GRIN2B: variants seen among roughly 807,000 people sequenced by gnomAD.
GRIN2B encodes glutamate ionotropic receptor NMDA type subunit 2B, also known as glutamate receptor ionotropic, NMDA 2B.
GRIN2B carries 5 observed loss-of-function variants against 114.5 expected under a neutral mutation model. The observed-to-expected ratio is 0.04, with a 90% confidence interval of 0.02 to 0.09. The LOEUF (loss-of-function observed/expected upper bound fraction) is 0.09. Ranked by LOEUF, GRIN2B falls within the 10% of genes least tolerant of loss-of-function variation. The pLI is 1.00. For missense variants in GRIN2B, 1,108 were observed against 1,943.5 expected (o/e 0.57, Z 8.08); for synonymous variants, 787 against 745.1 (o/e 1.06, Z -0.92).
At chr12:13,824,323 AT>A (rs1325027086) in intron 3 of GRIN2B, among the ~76,000 whole-genome samples, 1 of 152,230 alleles carries the variant, frequency 6.6e-6, no homozygotes, top group South Asian at 2.1e-4. Context: ...ATGACTTATT[AT>A]TTTTTTCTTC....
At chr12:13,726,663 A>T (rs1862994736) in intron 4 of GRIN2B, among the ~76,000 whole-genome samples, 2 of 148,268 alleles carry the variant, frequency 1.3e-5, no homozygotes, top group South Asian at 4.2e-4. Context: ...GTATTTTTTT[A>T]AATTTACTTT....
chr12:13,764,520 T>C (rs1374682045), intron 3 of GRIN2B, among the ~76,000 whole-genome samples: 1 of 152,206 alleles, frequency 6.6e-6, no homozygotes, highest in Non-Finnish European at 1.5e-5. Flanking sequence ...ATGCTGTTGC[T>C]ATCTCAACTT....
At chr12:13,860,260 T>C (rs1443191490) in intron 3 of GRIN2B, among the ~76,000 whole-genome samples, 2 of 152,196 alleles carry the variant, frequency 1.3e-5, no homozygotes, top group African/African-American at 4.8e-5. Flanking sequence ...GATTCCAAAA[T>C]GTGGCTCTCA....
At chr12:13,834,751 G>A (rs909887262) in intron 3 of GRIN2B, among the ~76,000 whole-genome samples, 16 of 152,154 alleles carry the variant, frequency 1.1e-4, no homozygotes, top group African/African-American at 3.9e-4. Context: ...CCAAACATTT[G>A]GAAGCCATGA....
At chr12:13,710,910 T>G (rs565588931) in intron 4 of GRIN2B, among the ~76,000 whole-genome samples, 22,586 of 151,504 alleles carry the variant, frequency 0.15, 2,472 homozygotes, top group African/African-American at 0.31. Flanking sequence ...AAAAGAGCCC[T>G]CATTGCCAAG....
At chr12:13,764,183 CAAAAAA>C (rs111977459) in intron 3 of GRIN2B, among the ~76,000 whole-genome samples, 1 of 106,460 alleles carries the variant, frequency 9.4e-6, no homozygotes, top group South Asian at 3.2e-4. Context: ...ATATCCATAC[CAAAAAA>C]AAAAAAAAAA....
At chr12:13,915,278 C>T (rs950390640) in intron 2 of GRIN2B, among the ~76,000 whole-genome samples, 2 of 152,162 alleles carry the variant, frequency 1.3e-5, no homozygotes, top group Admixed American at 6.5e-5. Context: ...TCCTGGCATA[C>T]GTTAGTCACA....
chr12:13,646,360 C>T (rs1490423173), intron 5 of GRIN2B, among the ~76,000 whole-genome samples: 1 of 152,114 alleles, frequency 6.6e-6, no homozygotes, highest in East Asian at 1.9e-4. Flanking sequence ...AATAAAGGCA[C>T]TGACATTCCT....
At chr12:13,894,485 C>T (rs12299003) in intron 2 of GRIN2B, among the ~76,000 whole-genome samples, 42,794 of 151,914 alleles carry the variant, frequency 0.28, 6,447 homozygotes, top group Non-Finnish European at 0.33. Context: ...CACCAAAAAA[C>T]GGTGTGATTT....
intron 3 of GRIN2B, among the ~76,000 whole-genome samples, chr12:13,846,618 C>A (rs1194219120): frequency 3.3e-5 from 5 of 152,190 alleles, no homozygotes; most frequent in African/African-American, 1.2e-4. Context: ...GCAATTAAAT[C>A]ATTTCTGTAA....
chr12:13,898,641 G>A (rs767410538), intron 2 of GRIN2B, among the ~76,000 whole-genome samples: 1 of 152,238 alleles, frequency 6.6e-6, no homozygotes, highest in Admixed American at 6.5e-5. Flanking sequence ...GCTGGGCACG[G>A]TGGCTCATGC....
intron 5 of GRIN2B, among the ~76,000 whole-genome samples, chr12:13,624,154 G>C (rs566253220): frequency 1.1e-4 from 17 of 152,164 alleles, no homozygotes; most frequent in Admixed American, 2.6e-4. Flanking sequence ...ATATTAAAAT[G>C]TTAGCTGTAT....
intron 2 of GRIN2B, among the ~76,000 whole-genome samples, chr12:13,903,296 C>T (rs185683856): frequency 9.9e-5 from 15 of 152,146 alleles, no homozygotes; most frequent in Admixed American, 9.2e-4. Context: ...TATTCTCCTC[C>T]TAACTTCATG....
intron 3 of GRIN2B, among the ~76,000 whole-genome samples, chr12:13,814,732 T>C (rs1004486567): frequency 3.9e-5 from 6 of 152,238 alleles, no homozygotes; most frequent in Non-Finnish European, 7.3e-5. Context: ...CATGTGACTA[T>C]GGAGCATTTG....
intron 2 of GRIN2B, among the ~76,000 whole-genome samples, chr12:13,957,724 C>T (rs1279159252): frequency 6.6e-6 from 1 of 152,166 alleles, no homozygotes; most frequent in African/African-American, 2.4e-5. Flanking sequence ...GCACAGCAGT[C>T]GGCTCCCTCA....
intron 3 of GRIN2B, among the ~76,000 whole-genome samples, chr12:13,845,922 A>G (rs1321440500): frequency 6.8e-6 from 1 of 147,740 alleles, no homozygotes; most frequent in Non-Finnish European, 1.5e-5. Flanking sequence ...TTCAGATTTT[A>G]CCACCACTGC....
At chr12:13,567,389 CAAAA>C (rs1296354327) in intron 12 of GRIN2B, 126 bp from the exon 13 acceptor site, 8 of 684,592 alleles carry the variant, frequency 1.2e-5, no homozygotes, top group African/African-American at 1.1e-4. Context: ...GACAAGGAGA[CAAAA>C]AGAAAGGAAA....
chr12:13,789,975 T>C (rs971427846), intron 3 of GRIN2B, among the ~76,000 whole-genome samples: 3 of 152,212 alleles, frequency 2.0e-5, no homozygotes, highest in African/African-American at 7.2e-5. Context: ...TAGCTTGGCA[T>C]GAGTTGAAAG....
intron 4 of GRIN2B, among the ~76,000 whole-genome samples, chr12:13,740,380 TC>T (rs1863259786): frequency 6.6e-6 from 1 of 152,080 alleles, no homozygotes; most frequent in Non-Finnish European, 1.5e-5. Context: ...GAATAGGGGG[TC>T]CACATTCCTA....
Sources: gnomAD v4.1 joint callset for allele counts (sites outside exome capture counted in the v4.1 genomes callset) on GRCh38, gnomAD v4.1.1 for gene constraint, MANE v1.5 for transcripts, NCBI Gene and HGNC (gene_info 2026-07-23, HGNC 2026-07-21) for gene names.